Variants in SHISA9 observed in about 807,000 individuals in gnomAD.
SHISA9 encodes the protein shisa family member 9.
A neutral mutation model predicts 38.0 loss-of-function variants in SHISA9; 13 were observed. The ratio of observed to expected loss-of-function variants is 0.34; its 90% confidence interval spans 0.22 to 0.54. SHISA9 has a LOEUF of 0.54. SHISA9 is among the 20% of genes least tolerant of loss of function. The pLI is 0.91. For missense variants in SHISA9, 538 were observed against 575.8 expected (o/e 0.93, Z 0.67); for synonymous variants, 275 against 242.0 (o/e 1.14, Z -1.27).
intron 2 of SHISA9, among the ~76,000 whole-genome samples, chr16:13,011,735 A>G (rs965920312): frequency 1.3e-5 from 2 of 152,036 alleles, no homozygotes; most frequent in Non-Finnish European, 2.9e-5. Flanking sequence ...ATTAACCAGG[A>G]TGGTGTCGAT....
At chr16:13,444,982 C>CTATATATATATATATATATATA in the SHISA9 span, among the ~76,000 whole-genome samples, 5 of 106,244 alleles carry the variant, frequency 4.7e-5, no homozygotes, top group African/African-American at 6.9e-5. Context: ...CCATGCCTAG[C>CTATATATATATATATATATATA]TATATATATA....
At chr16:13,153,271 G>GAA (rs1300136410) in intron 2 of SHISA9, among the ~76,000 whole-genome samples, 1 of 147,498 alleles carries the variant, frequency 6.8e-6, no homozygotes, top group Non-Finnish European at 1.5e-5. Context: ...AGCTCAACCA[G>GAA]AAAAAAAAAA....
chr16:13,050,948 TTC>T (rs1401214019), intron 2 of SHISA9, among the ~76,000 whole-genome samples: 2 of 152,152 alleles, frequency 1.3e-5, no homozygotes, highest in Non-Finnish European at 2.9e-5. Context: ...TGTTCTGGAG[TTC>T]TGTTTTTACC....
the SHISA9 span, among the ~76,000 whole-genome samples, chr16:13,375,304 G>A: frequency 2.0e-5 from 3 of 152,120 alleles, no homozygotes; most frequent in Admixed American, 6.6e-5. Flanking sequence ...TATGGTTTTA[G>A]GTCTAACATT....
downstream of SHISA9, among the ~76,000 whole-genome samples, chr16:13,242,063 CCTT>C (rs770894462): frequency 6.6e-6 from 1 of 152,212 alleles, no homozygotes; most frequent in Non-Finnish European, 1.5e-5. Context: ...CTGTTAAAGA[CCTT>C]CTATGCATTG....
chr16:12,960,342 A>G (rs8056439), intron 2 of SHISA9, among the ~76,000 whole-genome samples: 4,048 of 152,248 alleles, frequency 0.027, 71 homozygotes, highest in African/African-American at 0.045. Context: ...CAGGTTTGTT[A>G]TGTGGGTAAA....
chr16:13,417,369 G>GT, the SHISA9 span, among the ~76,000 whole-genome samples: 1 of 151,692 alleles, frequency 6.6e-6, no homozygotes, highest in African/African-American at 2.4e-5. Context: ...TATTTGGGAT[G>GT]TTTTGAGTTG....
the SHISA9 span, among the ~76,000 whole-genome samples, chr16:13,555,079 A>T: frequency 1.3e-4 from 20 of 152,234 alleles, no homozygotes; most frequent in African/African-American, 4.3e-4. Context: ...TATAATTAGT[A>T]TTAACTAAGA....
At chr16:12,911,294 C>G (rs2071180043) in intron 1 of SHISA9, 8 of 985,410 alleles carry the variant, frequency 8.1e-6, no homozygotes, top group Non-Finnish European at 9.6e-6. Context: ...GTGCCGCAAA[C>G]AAACGCCAAA....
chr16:13,491,982 C>T, the SHISA9 span, among the ~76,000 whole-genome samples: 4 of 151,266 alleles, frequency 2.6e-5, no homozygotes, highest in African/African-American at 9.7e-5. Flanking sequence ...TAGCTAAGGG[C>T]TGGGATTTTA....
chr16:13,250,321 T>G, the SHISA9 span, among the ~76,000 whole-genome samples: 4 of 152,088 alleles, frequency 2.6e-5, no homozygotes, highest in Admixed American at 1.3e-4. Flanking sequence ...CAATTAGCAG[T>G]CCTGAGTGGG....
At chr16:13,463,088 G>A in the SHISA9 span, among the ~76,000 whole-genome samples, 27 of 152,172 alleles carry the variant, frequency 1.8e-4, no homozygotes, top group Non-Finnish European at 3.1e-4. Flanking sequence ...CCTGGGGGGG[G>A]AAGGTTGCAG....
At chr16:13,165,837 C>T (rs547903186) in intron 2 of SHISA9, among the ~76,000 whole-genome samples, 1 of 152,204 alleles carries the variant, frequency 6.6e-6, no homozygotes, top group Non-Finnish European at 1.5e-5. Context: ...TTAATGGACA[C>T]TGTTCCCAAT....
At chr16:13,076,018 T>C (rs1484608552) in intron 2 of SHISA9, among the ~76,000 whole-genome samples, 1 of 151,400 alleles carries the variant, frequency 6.6e-6, no homozygotes, top group Admixed American at 6.6e-5. Flanking sequence ...TCAACCCCCA[T>C]TGAGAAATAG....
At chr16:12,911,311 G>A (rs1201955234) in intron 1 of SHISA9, 44 of 985,270 alleles carry the variant, frequency 4.5e-5, no homozygotes, top group Non-Finnish European at 5.3e-5. Flanking sequence ...CAAATTCTTA[G>A]GCATTTGTGT....
the SHISA9 span, among the ~76,000 whole-genome samples, chr16:13,323,097 T>G: frequency 5.3e-5 from 8 of 152,220 alleles, no homozygotes; most frequent in African/African-American, 1.4e-4. Flanking sequence ...TTGACTTTCT[T>G]CTTTCAAAAA....
rs946508979 is a variant in SHISA9 at position 13,238,436 on chromosome 16, T to C, written c.*3027T>C. The C allele has an allele frequency of 1.3e-5, 2 of 152,220 alleles. No individual in the cohort carries two copies. The highest frequency in any genetic ancestry group is 2.9e-5 in the Non-Finnish European group (2 of 68,042). 9.4% of individuals were successfully genotyped at this position (152,220 alleles called of 1,614,324 possible). ...TCTTATCTCCCTTTTACCTCGTGGT[T>C]GCTCTTTGCCCCCAGTCCACTTCGT... On this transcript the variant is annotated 3_prime_UTR_variant, in exon 5 of 5. Coordinates refer to ENST00000558583, the MANE Select transcript of SHISA9 (RefSeq NM_001145204.3).
At chr16:13,525,343 A>T in the SHISA9 span, among the ~76,000 whole-genome samples, 1 of 152,200 alleles carries the variant, frequency 6.6e-6, no homozygotes, top group Admixed American at 6.5e-5. Flanking sequence ...GCTCTGTCTT[A>T]GACTTTCTGT....
the SHISA9 span, among the ~76,000 whole-genome samples, chr16:13,364,640 G>C: frequency 1.3e-5 from 2 of 152,298 alleles, no homozygotes; most frequent in African/African-American, 4.8e-5. Context: ...GCTTCTGCAA[G>C]ATTGTTTGCT....
Sources: gnomAD v4.1 joint callset for allele counts (sites outside exome capture counted in the v4.1 genomes callset) on GRCh38, gnomAD v4.1.1 for gene constraint, MANE v1.5 for transcripts, NCBI Gene and HGNC (gene_info 2026-07-23, HGNC 2026-07-21) for gene names.